The following BICD1 variants were observed in gnomAD, a reference collection of about 807,000 sequenced individuals.
BICD1 encodes protein bicaudal D homolog 1.
BICD1 carries 35 observed loss-of-function variants against 92.5 expected under a neutral mutation model. That is an observed-to-expected ratio of 0.38 (90% confidence interval 0.29 to 0.50). BICD1 has a LOEUF of 0.50. Among genes scored for constraint, BICD1 ranks in the 20% least tolerant of loss-of-function variants. The pLI is 0.93. For missense variants in BICD1, 950 were observed against 1,189.8 expected (o/e 0.80, Z 2.97); for synonymous variants, 429 against 465.1 (o/e 0.92, Z 1.00).
chr12:32,292,188 C>T (rs1054602078), intron 2 of BICD1, among the ~76,000 whole-genome samples: 1 of 152,166 alleles, frequency 6.6e-6, no homozygotes, highest in Non-Finnish European at 1.5e-5. Flanking sequence ...AAAGGCCTTT[C>T]CTTGCCCCTT....
chr12:32,205,544 T>C (rs1945024927), intron 1 of BICD1, among the ~76,000 whole-genome samples: 1 of 151,604 alleles, frequency 6.6e-6, no homozygotes, highest in African/African-American at 2.4e-5. Flanking sequence ...TTTTGTAATC[T>C]TTTGTCTTCT....
At chr12:32,234,676 T>C (rs1297280811) in intron 2 of BICD1, among the ~76,000 whole-genome samples, 5 of 147,772 alleles carry the variant, frequency 3.4e-5, no homozygotes, top group Admixed American at 2.0e-4. Flanking sequence ...TCTTTCTTTT[T>C]TTTTTTTTTT....
chr12:32,156,299 A>G (rs1360539622), intron 1 of BICD1, among the ~76,000 whole-genome samples: 1 of 152,192 alleles, frequency 6.6e-6, no homozygotes, highest in East Asian at 1.9e-4. Flanking sequence ...TGGGACAAAC[A>G]TACCTCTGTG....
chr12:32,143,257 G>T (rs908266679), intron 1 of BICD1, among the ~76,000 whole-genome samples: 2 of 151,842 alleles, frequency 1.3e-5, no homozygotes, highest in Admixed American at 1.3e-4. Flanking sequence ...CATAAGCACC[G>T]CACAATCTCC....
At chr12:32,182,894 T>C (rs1192739875) in intron 1 of BICD1, among the ~76,000 whole-genome samples, 11 of 144,738 alleles carry the variant, frequency 7.6e-5, no homozygotes, top group Non-Finnish European at 1.2e-4. Context: ...TTCTTTCTTT[T>C]TTTTTTTTTT....
rs985131687 is a variant in BICD1 at position 32,377,965 on chromosome 12, C to T, written c.*338C>T. 1.6e-5 allele frequency: 3 copies of T among 187,020 alleles called. No homozygotes were observed. The highest frequency in any genetic ancestry group is 1.3e-4 in the East Asian group (1 of 7,506). 11.6% of individuals were successfully genotyped at this position (187,020 alleles called of 1,614,324 possible). ...AGAGAGACCTAAGACATGTAAAATACGTATATTGCAGTATCATCTTTCCTC... is the reference window on the plus strand; with the variant it reads ...AGAGAGACCTAAGACATGTAAAATATGTATATTGCAGTATCATCTTTCCTC... On this transcript the variant is annotated 3_prime_UTR_variant, in exon 10 of 10. Coordinates refer to ENST00000652176, the MANE Select transcript of BICD1 (RefSeq NM_001714.4).
At chr12:32,117,187 G>T (rs950618443) in intron 1 of BICD1, among the ~76,000 whole-genome samples, 6 of 152,152 alleles carry the variant, frequency 3.9e-5, no homozygotes, top group African/African-American at 1.4e-4. Context: ...GGAGAAGCTA[G>T]TGAGCCACTT....
At chr12:32,198,330 C>CATA (rs1555145676) in intron 1 of BICD1, among the ~76,000 whole-genome samples, 1 of 117,778 alleles carries the variant, frequency 8.5e-6, no homozygotes, top group Non-Finnish European at 1.7e-5. Flanking sequence ...ATGCATCTAT[C>CATA]TATATATATA....
At chr12:32,121,533 C>T (rs1592331002) in intron 1 of BICD1, among the ~76,000 whole-genome samples, 1 of 151,642 alleles carries the variant, frequency 6.6e-6, no homozygotes, top group East Asian at 2.0e-4. Flanking sequence ...GCGGAGGTTG[C>T]AGTGAGCTAA....
chr12:32,320,339 CTATT>C (rs984123802), intron 4 of BICD1, among the ~76,000 whole-genome samples: 11 of 151,882 alleles, frequency 7.2e-5, no homozygotes, highest in African/African-American at 2.7e-4. Flanking sequence ...GACCCCATCT[CTATT>C]TATAAAAAGG....
intron 2 of BICD1, among the ~76,000 whole-genome samples, chr12:32,263,321 G>A (rs1946905122): frequency 1.3e-5 from 2 of 152,084 alleles, no homozygotes; most frequent in African/African-American, 4.8e-5. Context: ...GGCCGAGGCG[G>A]GTGGATCACG....
chr12:32,332,776 A>G, intron 5 of BICD1: 1 of 798,628 alleles, frequency 1.3e-6, no homozygotes, highest in African/African-American at 1.9e-5. Context: ...TCCAGACAGA[A>G]CAGTAGGTAG....
chr12:32,296,963 C>A (rs1046573231), intron 3 of BICD1, among the ~76,000 whole-genome samples: 1 of 152,136 alleles, frequency 6.6e-6, no homozygotes. Context: ...GGAGGGGGGA[C>A]TTACACATTT....
intron 8 of BICD1, among the ~76,000 whole-genome samples, chr12:32,348,840 C>A (rs1247535446): frequency 7.7e-6 from 1 of 130,090 alleles, no homozygotes; most frequent in Non-Finnish European, 1.6e-5. Context: ...GATCACAGAT[C>A]CTGCCTCAGG....
chr12:32,235,507 C>CATACTGTGT (rs1946037322), intron 2 of BICD1, among the ~76,000 whole-genome samples: 1 of 151,832 alleles, frequency 6.6e-6, no homozygotes, highest in African/African-American at 2.4e-5. Flanking sequence ...TAAACACAGG[C>CATACTGTGT]ATACTGTGTC....
chr12:32,244,500 A>G (rs1946319988), intron 2 of BICD1, among the ~76,000 whole-genome samples: 1 of 152,176 alleles, frequency 6.6e-6, no homozygotes, highest in African/African-American at 2.4e-5. Flanking sequence ...GTTACCTCCA[A>G]TTGCCTACTT....
chr12:32,147,239 G>A (rs1175044631), intron 1 of BICD1, among the ~76,000 whole-genome samples: 3 of 152,096 alleles, frequency 2.0e-5, no homozygotes, highest in South Asian at 2.1e-4. Flanking sequence ...GCTGTGGGAA[G>A]CTTTCAAGAA....
In BICD1 at chr12:32,381,522, T is replaced by TGGAG. The variant is rs1478581384; in HGVS notation, c.*3895_*3896insGGAG. 1.3e-5 allele frequency: 2 copies of TGGAG among 152,170 alleles called. No homozygotes were observed. Among genetic ancestry groups the TGGAG allele is most frequent in the Non-Finnish European group, 2.9e-5 (2 of 67,996 alleles). 9.4% of individuals were successfully genotyped at this position (152,170 alleles called of 1,614,324 possible). On this transcript the variant is annotated 3_prime_UTR_variant, in exon 10 of 10. Coordinates refer to ENST00000652176, the MANE Select transcript of BICD1 (RefSeq NM_001714.4). ...AATGTGGAGATTTCTTGATATTCTG[T>TGGAG]ATTAATTAAAGTTCTCTACATGTCT...
chr12:32,251,924 G>A lies in BICD1; in HGVS notation c.426+35465G>A, dbSNP rs892669924. Among the ~76,000 whole-genome samples the A allele has an allele frequency of 2.1e-5, 3 of 142,436 alleles. No individual in the cohort carries two copies. In the Admixed American group the frequency reaches 2.3e-4, roughly 11 times the overall value. 93.4% of individuals were successfully genotyped at this position (142,436 alleles called of 152,430 possible). A position where few individuals can be genotyped will look rare whatever the true frequency, so the allele number is the denominator to read the frequency against. The stretch of plus-strand genomic sequence containing the variant: ...TGAGTAAGAGTTCATATTTCCACAC[G>A]GTTTTGGGGCGCTCGGGAGTTTGTT... On this transcript the variant is annotated intron_variant, in intron 2 of 9. Coordinates refer to ENST00000652176, the MANE Select transcript of BICD1 (RefSeq NM_001714.4).
Sources: gnomAD v4.1 joint callset for allele counts (sites outside exome capture counted in the v4.1 genomes callset) on GRCh38, gnomAD v4.1.1 for gene constraint, MANE v1.5 for transcripts, NCBI Gene and HGNC (gene_info 2026-07-23, HGNC 2026-07-21) for gene names.